The following RAPGEF2 variants were observed in gnomAD, a reference collection of about 807,000 sequenced individuals.
The protein encoded by RAPGEF2 is Rap guanine nucleotide exchange factor 2.
In RAPGEF2, 54 loss-of-function variants were observed where a neutral mutation model predicts 186.7. The ratio of observed to expected loss-of-function variants is 0.29; its 90% CI spans 0.23 to 0.36. The LOEUF is 0.36. Among genes scored for constraint, RAPGEF2 ranks in the 10% least tolerant of loss-of-function variants. The pLI, the probability that RAPGEF2 is intolerant of heterozygous loss-of-function variation, is 1.00. For missense variants in RAPGEF2, 1,532 were observed against 2,045.0 expected, an observed-to-expected ratio of 0.75 and a Z score of 4.84; for synonymous variants, 712 against 705.9, an observed-to-expected ratio of 1.01 and a Z score of -0.14.
intron 3 of RAPGEF2, among the ~76,000 whole-genome samples, chr4:159,199,999 G>A (rs1001066127): frequency 6.6e-6 from 1 of 151,800 alleles, no homozygotes; most frequent in Non-Finnish European, 1.5e-5. Context: ...TGAGCCCTTG[G>A]ATCTATTTCT....
Position 159,351,194 on chromosome 4 carries a change from GAACCAA to G in RAPGEF2, c.3865+908_3865+913del, listed in dbSNP as rs761696192. 8 of 1,529,804 alleles carry G rather than the reference GAACCAA, an allele frequency of 5.2e-6. No individual in the cohort carries two copies. In the South Asian group the frequency reaches 8.4e-5, roughly 16 times the overall value. 94.8% of individuals were successfully genotyped at this position (1,529,804 alleles called of 1,614,324 possible). On this transcript the variant is annotated intron_variant, in intron 26 of 29. Coordinates refer to ENST00000691494, the MANE Select transcript of RAPGEF2 (RefSeq NM_001394067.2). Reference sequence around the variant, plus strand: ...ACCTATGGGATAGGTGGGGTTTATAGAACCAAAAATGGGGTGGGAAAGAGAGGAATC... The same window carrying G: ...ACCTATGGGATAGGTGGGGTTTATAGAAATGGGGTGGGAAAGAGAGGAATC...
chr4:159,243,801 T>C lies in RAPGEF2; in HGVS notation c.543+10T>C. On this transcript the variant is annotated intron_variant, in intron 7 of 29. Coordinates refer to ENST00000691494, the MANE Select transcript of RAPGEF2 (RefSeq NM_001394067.2). Reference sequence around the variant, plus strand: ...ATGCACTAAATCTCAGGTATTGTAATTTGTGTGTGGTCTTCTGACACTAAC... The same window carrying C: ...ATGCACTAAATCTCAGGTATTGTAACTTGTGTGTGGTCTTCTGACACTAAC... The C allele has an allele frequency of 7.8e-7, 1 of 1,278,064 alleles. No individual in the cohort carries two copies. Among genetic ancestry groups the C allele is most frequent in the African/African-American group, 1.5e-5 (1 of 65,744 alleles). 79.2% of individuals were successfully genotyped at this position (1,278,064 alleles called of 1,614,324 possible).
chr4:159,323,387 G>T, intron 10 of RAPGEF2, 72 bp from the exon 11 acceptor site: 1 of 1,233,344 alleles, frequency 8.1e-7, no homozygotes, highest in South Asian at 1.8e-5. Context: ...TCATTTTTAG[G>T]GACCATACTG....
At chr4:159,142,388 C>T (rs1193329538) in intron 1 of RAPGEF2, among the ~76,000 whole-genome samples, 1 of 152,076 alleles carries the variant, frequency 6.6e-6, no homozygotes, top group Admixed American at 6.5e-5. Flanking sequence ...AAGAATCCTA[C>T]TAGTACATTG....
chr4:159,243,342 A>G (rs567238089), intron 6 of RAPGEF2, among the ~76,000 whole-genome samples: 1 of 152,012 alleles, frequency 6.6e-6, no homozygotes, highest in South Asian at 2.1e-4. Flanking sequence ...ATTATAATTT[A>G]TTATTTATTT....
chr4:159,275,888 T>C (rs1277301462), intron 7 of RAPGEF2, among the ~76,000 whole-genome samples: 1 of 152,182 alleles, frequency 6.6e-6, no homozygotes, highest in East Asian at 1.9e-4. Flanking sequence ...CAGACACTTT[T>C]ACTCTGTGAA....
At chr4:159,228,597 G>A (rs1417844470) in intron 4 of RAPGEF2, among the ~76,000 whole-genome samples, 1 of 152,202 alleles carries the variant, frequency 6.6e-6, no homozygotes, top group Non-Finnish European at 1.5e-5. Context: ...ATGATTGTTA[G>A]AATGTTTGTA....
intron 7 of RAPGEF2, among the ~76,000 whole-genome samples, chr4:159,277,723 T>C (rs1040650550): frequency 2.6e-5 from 4 of 152,238 alleles, no homozygotes; most frequent in African/African-American, 9.6e-5. Flanking sequence ...ATAAATGTCT[T>C]CTTTTGTGAA....
intron 5 of RAPGEF2, among the ~76,000 whole-genome samples, chr4:159,240,691 C>T (rs763449934): frequency 2.0e-5 from 3 of 151,848 alleles, no homozygotes; most frequent in African/African-American, 4.8e-5. Context: ...AAAAAGAAAC[C>T]GAAGTCATGG....
chr4:159,183,130 G>T (rs1351921813), intron 1 of RAPGEF2, among the ~76,000 whole-genome samples: 1 of 152,188 alleles, frequency 6.6e-6, no homozygotes, highest in Non-Finnish European at 1.5e-5. Context: ...TCTTGTGAAA[G>T]GTAGAACAAG....
chr4:159,256,805 G>C (rs1047558206), intron 7 of RAPGEF2, among the ~76,000 whole-genome samples: 16 of 152,084 alleles, frequency 1.1e-4, no homozygotes, highest in Non-Finnish European at 2.9e-5. Context: ...AGTGATGTTT[G>C]AGTTTTTTTC....
At chr4:159,216,753 T>C (rs910173112) in intron 4 of RAPGEF2, among the ~76,000 whole-genome samples, 1 of 152,202 alleles carries the variant, frequency 6.6e-6, no homozygotes, top group Admixed American at 6.5e-5. Context: ...ATCATGTATT[T>C]GCACCACGTT....
chr4:159,231,327 C>T (rs1243883222), intron 4 of RAPGEF2, among the ~76,000 whole-genome samples: 1 of 152,066 alleles, frequency 6.6e-6, no homozygotes, highest in African/African-American at 2.4e-5. Context: ...TATCTCCATT[C>T]TTAAGCAATG....
chr4:159,131,179 C>T (rs187838138), intron 1 of RAPGEF2, among the ~76,000 whole-genome samples: 5 of 152,204 alleles, frequency 3.3e-5, no homozygotes, highest in Admixed American at 1.3e-4. Context: ...GGCACGATCT[C>T]GGCTCACCGC....
At chr4:159,244,836 T>C (rs1754429348) in intron 7 of RAPGEF2, among the ~76,000 whole-genome samples, 1 of 151,974 alleles carries the variant, frequency 6.6e-6, no homozygotes, top group Non-Finnish European at 1.5e-5. Context: ...GATTGCTATA[T>C]TGGTTTTTGG....
intron 7 of RAPGEF2, among the ~76,000 whole-genome samples, chr4:159,291,669 C>G (rs534310396): frequency 6.6e-6 from 1 of 152,232 alleles, no homozygotes; most frequent in South Asian, 2.1e-4. Flanking sequence ...TAAAGTTTCT[C>G]AGTTGATAAA....
In RAPGEF2 at chr4:159,307,997, A is replaced by G. The variant is rs1482838467; in HGVS notation, c.675+3524A>G. ...AAAAACAAAAAAGTAACTTGTTTGT[A>G]TAATCGATTGAGGCATATTCTGAGG... On this transcript the variant is annotated intron_variant, in intron 8 of 29. Coordinates refer to ENST00000691494, the MANE Select transcript of RAPGEF2 (RefSeq NM_001394067.2). Among the ~76,000 whole-genome samples, 36 of 152,202 alleles carry G rather than the reference A, an allele frequency of 2.4e-4. 1 individual carries two copies. Among genetic ancestry groups the G allele is most frequent in the Admixed American group, 2.4e-3 (36 of 15,268 alleles).
chr4:159,193,194 T>G lies in RAPGEF2; in HGVS notation c.141-6T>G. 6.7e-7 allele frequency: 1 copy of G among 1,482,376 alleles called. No individual in the cohort carries two copies. The highest frequency in any genetic ancestry group is 8.9e-7 in the Non-Finnish European group (1 of 1,120,658). The allele number at this position is 1,482,376 out of a possible 1,614,324, so 91.8% of individuals were successfully genotyped here. ...TGTTGAACTCATGTTTTTATCTCTT[T>G]TACAGGTTAATGTGTGAAACTGTGA... On this transcript the variant is annotated splice_region_variant and splice_polypyrimidine_tract_variant and intron_variant, in intron 2 of 29. Transcript: ENST00000691494.
At chr4:159,205,122 T>G (rs1749835554) in intron 3 of RAPGEF2, among the ~76,000 whole-genome samples, 1 of 152,240 alleles carries the variant, frequency 6.6e-6, no homozygotes, top group Admixed American at 6.5e-5. Flanking sequence ...TTGTTCCTCT[T>G]GGGAGTTCAT....
Sources: gnomAD v4.1 joint callset for allele counts (sites outside exome capture counted in the v4.1 genomes callset) on GRCh38, gnomAD v4.1.1 for gene constraint, MANE v1.5 for transcripts, NCBI Gene and HGNC (gene_info 2026-07-23, HGNC 2026-07-21) for gene names.